LUZP2: variants seen among roughly 807,000 people sequenced by gnomAD.
The protein encoded by LUZP2 is leucine zipper protein 2.
A neutral mutation model predicts 51.6 loss-of-function variants in LUZP2; 52 were observed. The observed-to-expected ratio is 1.01, with a 90% confidence interval of 0.81 to 1.27. LUZP2 has a LOEUF of 1.27. Ranked by LOEUF, LUZP2 falls within the 50% of genes most tolerant of loss-of-function variation. The probability of loss-of-function intolerance (pLI) is 0.00; values close to 1 mark genes in which losing one functional copy is unlikely to be tolerated. For missense variants in LUZP2, 436 were observed against 395.4 expected (o/e 1.10, Z -0.87); for synonymous variants, 154 against 137.3 (o/e 1.12, Z -0.85).
intron 1 of LUZP2, among the ~76,000 whole-genome samples, chr11:24,673,489 T>C (rs117619554): frequency 0.02 from 2,983 of 152,248 alleles, 48 homozygotes; most frequent in Non-Finnish European, 0.029. Context: ...GTTAAGAGAT[T>C]TATACTTTGA....
At chr11:24,518,325 T>C (rs991018030) in intron 1 of LUZP2, among the ~76,000 whole-genome samples, 8 of 152,210 alleles carry the variant, frequency 5.3e-5, no homozygotes, top group African/African-American at 7.2e-5. Context: ...TAGGTTCTTA[T>C]AACTTTAGCC....
At chr11:24,998,709 C>G (rs1372033489) in intron 9 of LUZP2, among the ~76,000 whole-genome samples, 2 of 152,126 alleles carry the variant, frequency 1.3e-5, no homozygotes, top group Admixed American at 6.6e-5. Context: ...CTATACCCAA[C>G]TTAATAGGAT....
chr11:24,912,201 A>G (rs879320780), intron 6 of LUZP2, among the ~76,000 whole-genome samples: 1 of 76,632 alleles, frequency 1.3e-5, no homozygotes, highest in Non-Finnish European at 2.7e-5. Flanking sequence ...CTTCCTCTTT[A>G]CCTCCCCCTT....
At chr11:24,623,962 C>T (rs1854593390) in intron 1 of LUZP2, among the ~76,000 whole-genome samples, 1 of 152,158 alleles carries the variant, frequency 6.6e-6, no homozygotes, top group Non-Finnish European at 1.5e-5. Context: ...GAGACAAATT[C>T]ATCTAAAATT....
intron 9 of LUZP2, among the ~76,000 whole-genome samples, chr11:25,021,867 TG>T (rs963298640): frequency 3.3e-4 from 50 of 152,228 alleles, no homozygotes; most frequent in Admixed American, 6.6e-4. Flanking sequence ...TACCCTCTAA[TG>T]TGAATGACTC....
chr11:24,511,086 C>A (rs968745743), intron 1 of LUZP2, among the ~76,000 whole-genome samples: 1 of 152,166 alleles, frequency 6.6e-6, no homozygotes, highest in East Asian at 1.9e-4. Context: ...GCCTTCTTAC[C>A]TCTGCCATAT....
chr11:24,517,776 T>G (rs1850525131), intron 1 of LUZP2, among the ~76,000 whole-genome samples: 1 of 152,092 alleles, frequency 6.6e-6, no homozygotes, highest in South Asian at 2.1e-4. Flanking sequence ...TGGCATCATT[T>G]TGCTTCCCAT....
intron 1 of LUZP2, among the ~76,000 whole-genome samples, chr11:24,680,639 A>G (rs1856702684): frequency 6.6e-6 from 1 of 152,154 alleles, no homozygotes; most frequent in Admixed American, 6.6e-5. Context: ...TAGCAGGAAA[A>G]ATTTTGGTGT....
intron 7 of LUZP2, among the ~76,000 whole-genome samples, chr11:24,970,896 T>G (rs1855720071): frequency 1.3e-5 from 2 of 152,168 alleles, no homozygotes; most frequent in African/African-American, 4.8e-5. Context: ...TTTTTGTAAT[T>G]GTTAATAAAG....
intron 1 of LUZP2, among the ~76,000 whole-genome samples, chr11:24,542,263 G>A (rs962427229): frequency 1.3e-5 from 2 of 151,986 alleles, no homozygotes; most frequent in Non-Finnish European, 2.9e-5. Context: ...TGTTCTCTTT[G>A]GTAGAAGAGA....
chr11:24,755,742 C>G (rs1214895620), intron 4 of LUZP2, among the ~76,000 whole-genome samples: 1 of 152,110 alleles, frequency 6.6e-6, no homozygotes, highest in African/African-American at 2.4e-5. Flanking sequence ...TTAAGACTGA[C>G]AAAACAGACT....
At chr11:24,527,567 TCACACACACA>T (rs1554948856) in intron 1 of LUZP2, among the ~76,000 whole-genome samples, 1 of 131,560 alleles carries the variant, frequency 7.6e-6, no homozygotes, top group Non-Finnish European at 1.7e-5. Flanking sequence ...TCTCTCTCTC[TCACACACACA>T]CACACACACA....
intron 1 of LUZP2, among the ~76,000 whole-genome samples, chr11:24,555,608 T>A (rs1056809145): frequency 6.6e-6 from 1 of 152,150 alleles, no homozygotes; most frequent in Admixed American, 6.5e-5. Flanking sequence ...CTCAGAGACA[T>A]TGCATGAAAT....
intron 1 of LUZP2, among the ~76,000 whole-genome samples, chr11:24,583,266 A>G (rs1043143733): frequency 6.6e-6 from 1 of 152,084 alleles, no homozygotes; most frequent in African/African-American, 2.4e-5. Context: ...TTAGTGTTCA[A>G]ACAAGCCAGC....
intron 7 of LUZP2, among the ~76,000 whole-genome samples, chr11:24,937,232 T>C (rs933094092): frequency 2.6e-5 from 4 of 152,236 alleles, no homozygotes; most frequent in Non-Finnish European, 5.9e-5. Context: ...CTACTGAATA[T>C]TTTGTTCATT....
intron 9 of LUZP2, among the ~76,000 whole-genome samples, chr11:25,019,205 A>G (rs1480196970): frequency 6.6e-6 from 1 of 152,184 alleles, no homozygotes; most frequent in East Asian, 1.9e-4. Flanking sequence ...TATAGAATTT[A>G]TCTTCGTTAT....
intron 5 of LUZP2, among the ~76,000 whole-genome samples, chr11:24,855,441 C>T (rs1045962331): frequency 6.6e-6 from 1 of 152,074 alleles, no homozygotes; most frequent in African/African-American, 2.4e-5. Flanking sequence ...AAGGAAACTA[C>T]TAAAACTAAT....
chr11:25,011,642 CA>C (rs1856987966), intron 9 of LUZP2, among the ~76,000 whole-genome samples: 1 of 151,974 alleles, frequency 6.6e-6, no homozygotes, highest in African/African-American at 2.4e-5. Context: ...GATGGTGGTA[CA>C]ATGACTATAT....
At chr11:24,643,181 G>A (rs754060149) in intron 1 of LUZP2, among the ~76,000 whole-genome samples, 1 of 149,072 alleles carries the variant, frequency 6.7e-6, no homozygotes, top group Non-Finnish European at 1.5e-5. Context: ...GGCGGAGGGA[G>A]GCAGATCACT....
Sources: gnomAD v4.1 joint callset for allele counts (sites outside exome capture counted in the v4.1 genomes callset) on GRCh38, gnomAD v4.1.1 for gene constraint, MANE v1.5 for transcripts, NCBI Gene and HGNC (gene_info 2026-07-23, HGNC 2026-07-21) for gene names.